Variants in FRYL observed in about 807,000 individuals in gnomAD.
FRYL encodes the protein FRY like transcription coactivator, also known as protein furry homolog-like.
In FRYL, 150 loss-of-function variants were observed where a neutral mutation model predicts 351.2. The observed-to-expected ratio is 0.43, with a 90% CI of 0.37 to 0.49. The LOEUF (loss-of-function observed/expected upper bound fraction) is 0.49. Among genes scored for constraint, FRYL ranks in the 20% least tolerant of loss-of-function variants. The pLI is 0.00. For missense variants in FRYL, 3,036 were observed against 3,619.3 expected, an observed-to-expected ratio of 0.84 and a Z score of 4.13; for synonymous variants, 1,153 against 1,257.1, an observed-to-expected ratio of 0.92 and a Z score of 1.75.
chr4:48,767,023 AAAATATG>A (rs1775027470), intron 1 of FRYL, among the ~76,000 whole-genome samples: 1 of 147,804 alleles, frequency 6.8e-6, no homozygotes. Context: ...TATTATATAT[AAAATATG>A]TATTGTATTA....
At chr4:48,568,836 C>T (rs1000495645) in intron 27 of FRYL, among the ~76,000 whole-genome samples, 7 of 152,126 alleles carry the variant, frequency 4.6e-5, no homozygotes, top group Non-Finnish European at 1.0e-4. Flanking sequence ...GGACTACAAC[C>T]TGTACCAGAA....
chr4:48,779,799 G>A (rs1776467550), intron 1 of FRYL, among the ~76,000 whole-genome samples: 1 of 149,692 alleles, frequency 6.7e-6, no homozygotes, highest in Non-Finnish European at 1.5e-5. Context: ...GGCGCGCGGC[G>A]CTGCCGGCGG....
At chr4:48,511,560 T>C (rs1722478328) in intron 57 of FRYL, among the ~76,000 whole-genome samples, 1 of 152,312 alleles carries the variant, frequency 6.6e-6, no homozygotes, top group South Asian at 2.1e-4. Flanking sequence ...GTATACCTAC[T>C]TATATATGTG....
intron 1 of FRYL, among the ~76,000 whole-genome samples, chr4:48,766,883 G>C (rs1465427763): frequency 6.6e-6 from 1 of 151,214 alleles, no homozygotes; most frequent in Non-Finnish European, 1.5e-5. Context: ...ATTTTCTTCT[G>C]TAGATTCACG....
Position 48,500,119 on chromosome 4 carries a change from TTG to T in FRYL, c.8692_8693del (p.Gln2898AsnfsTer12). 6.2e-7 allele frequency: 1 copy of T among 1,602,356 alleles called. No individual in the cohort carries two copies. Among genetic ancestry groups the T allele is most frequent in the Non-Finnish European group, 8.5e-7 (1 of 1,175,832 alleles). ...AATGAATGGCAGTTTCTATAGTAGT[TTG>T]TGCAGCTTTGGAAATGTCAATTTCT... is the stretch of plus-strand genomic sequence containing the variant. ...NEEIDISKAA[Q>X]TTIETAIHSL... On this transcript the variant is annotated frameshift_variant, in exon 63 of 64. Transcript: ENST00000358350. LOFTEE classifies it high-confidence loss of function.
chr4:48,557,684 G>T lies in FRYL; in HGVS notation c.3894C>A (p.His1298Gln). 6.2e-7 allele frequency: 1 copy of T among 1,614,094 alleles called. No homozygotes were observed. Among genetic ancestry groups the T allele is most frequent in the Non-Finnish European group, 8.5e-7 (1 of 1,179,992 alleles). ...SEISQRIQTA[H>Q]PAGRQVMLHY... The stretch of plus-strand genomic sequence containing the variant: ...GCAGCATCACCTGCCGCCCAGCAGG[G>T]TGAGCTGTCTGGATTCTCTGGCTTA... The change falls in exon 34 of 64, where the codon CAC (histidine) becomes CAA (glutamine). Residue 1298 changes from histidine to glutamine, a missense_variant. Coordinates refer to ENST00000358350, the MANE Select transcript of FRYL (RefSeq NM_015030.2).
intron 1 of FRYL, among the ~76,000 whole-genome samples, chr4:48,712,621 G>A (rs1293398319): frequency 6.6e-6 from 1 of 152,174 alleles, no homozygotes; most frequent in Admixed American, 6.5e-5. Flanking sequence ...TGGGGAGAAT[G>A]GAATCAAGTT....
At chr4:48,770,306 C>T (rs1168366211) in intron 1 of FRYL, among the ~76,000 whole-genome samples, 4 of 152,190 alleles carry the variant, frequency 2.6e-5, no homozygotes, top group East Asian at 1.9e-4. Flanking sequence ...TATTCAATCA[C>T]ATTTTTCTTA....
intron 1 of FRYL, among the ~76,000 whole-genome samples, chr4:48,744,199 T>C (rs1194517924): frequency 1.3e-5 from 2 of 152,244 alleles, no homozygotes; most frequent in African/African-American, 4.8e-5. Flanking sequence ...GGGGGTGATA[T>C]AAATGGTCTA....
At chr4:48,702,319 G>T (rs1766814521) in intron 2 of FRYL, among the ~76,000 whole-genome samples, 1 of 151,408 alleles carries the variant, frequency 6.6e-6, no homozygotes, top group Admixed American at 6.6e-5. Context: ...AGCCAAGCAT[G>T]GTGGTGCATG....
At position 48,662,977 on chromosome 4, in the gene FRYL, A is replaced by T. The variant is rs151067190; in HGVS notation, c.-81+21696T>A. On this transcript the variant is annotated intron_variant, in intron 3 of 63. Transcript: ENST00000358350. ...TCTGCACTACAAAAAATAAAAAAGA[A>T]GTTCTTCAGGTGGAAAGAAAATCAT... Among the ~76,000 whole-genome samples, 109 of 152,292 alleles carry T rather than the reference A, an allele frequency of 7.2e-4. No individual in the cohort carries two copies. In the East Asian group the frequency reaches 0.019, roughly 26 times the overall value.
At chr4:48,573,508 A>G (rs1211917954) in intron 25 of FRYL, among the ~76,000 whole-genome samples, 2 of 152,214 alleles carry the variant, frequency 1.3e-5, no homozygotes, top group East Asian at 3.8e-4. Context: ...TTTGCAATCC[A>G]CATACGTTTT....
chr4:48,634,238 G>T, intron 4 of FRYL, 53 bp downstream of exon 4: 4 of 1,288,730 alleles, frequency 3.1e-6, no homozygotes, highest in Non-Finnish European at 2.3e-6. Flanking sequence ...CATTATAGTG[G>T]TTAATACAAA....
At chr4:48,505,505 T>C in intron 60 of FRYL, 42 bp downstream of exon 60, 1 of 1,136,162 alleles carries the variant, frequency 8.8e-7, no homozygotes, top group East Asian at 2.3e-5. Context: ...TTTTACCTGA[T>C]ACAGAAAATG....
At chr4:48,730,901 C>G (rs1191490145) in intron 1 of FRYL, among the ~76,000 whole-genome samples, 3 of 152,044 alleles carry the variant, frequency 2.0e-5, no homozygotes, top group Non-Finnish European at 4.4e-5. Flanking sequence ...GCTAAATGCC[C>G]CAATTAAAAG....
intron 3 of FRYL, chr4:48,637,092 G>A (rs1187537741): frequency 2.6e-5 from 4 of 151,980 alleles, no homozygotes; most frequent in African/African-American, 4.8e-5. Flanking sequence ...AATCACTTTT[G>A]TTTCTACACA....
chr4:48,756,793 T>A (rs1038036865), intron 1 of FRYL, among the ~76,000 whole-genome samples: 12 of 152,050 alleles, frequency 7.9e-5, no homozygotes, highest in African/African-American at 2.7e-4. Flanking sequence ...ACAAAAAATT[T>A]AAAAAGTCCC....
In FRYL at chr4:48,553,282, G is replaced by A. The variant is rs753697483; in HGVS notation, c.4368C>T (p.Val1456=). The change falls in exon 36 of 64, where the codon GTC becomes GTT. Residue 1456 remains valine (V), a synonymous_variant. Coordinates refer to ENST00000358350, the MANE Select transcript of FRYL (RefSeq NM_015030.2). ...LQLTDPVSSG[V]THMDNPPYYR... is the part of the protein sequence containing the mutation. ...AATACGGGGGATTATCCATGTGAGT[G>A]ACCCCTGAACTGACAGGATCGGTCA... The A allele has an allele frequency of 1.2e-6, 2 of 1,613,420 alleles. No individual in the cohort carries two copies. The highest frequency in any genetic ancestry group is 2.7e-5 in the African/African-American group (2 of 74,924).
intron 1 of FRYL, among the ~76,000 whole-genome samples, chr4:48,772,418 A>AT (rs1274030271): frequency 1.3e-5 from 2 of 152,132 alleles, no homozygotes. Flanking sequence ...CTAAACTTGG[A>AT]TCTACATACA....
Sources: allele counts gnomAD v4.1 joint callset (sites outside exome capture counted in the v4.1 genomes callset), GRCh38; gene constraint gnomAD v4.1.1; transcripts MANE v1.5; gene names NCBI Gene and HGNC (gene_info 2026-07-23, HGNC 2026-07-21).